The following UBE2E2 variants were observed in gnomAD, a reference collection of about 807,000 sequenced individuals.
UBE2E2 encodes ubiquitin-conjugating enzyme E2 E2.
Under a neutral mutation model 24.7 loss-of-function variants are expected in UBE2E2, and 6 were observed. The observed-to-expected ratio is 0.24, with a 90% CI of 0.13 to 0.48. The LOEUF (loss-of-function observed/expected upper bound fraction) is 0.48. Ranked by LOEUF, UBE2E2 falls within the 20% of genes least tolerant of loss-of-function variation. The pLI, the probability that UBE2E2 is intolerant of heterozygous loss-of-function variation, is 0.99. For missense variants in UBE2E2, 169 were observed against 245.0 expected, an observed-to-expected ratio of 0.69 and a Z score of 2.07; for synonymous variants, 104 against 83.6, an observed-to-expected ratio of 1.24 and a Z score of -1.33.
intron 3 of UBE2E2, among the ~76,000 whole-genome samples, chr3:23,298,599 T>C (rs1221894646): frequency 1.3e-5 from 2 of 152,004 alleles, no homozygotes; most frequent in Non-Finnish European, 2.9e-5. Flanking sequence ...TTTATTGATT[T>C]GCATATATTG....
chr3:23,467,035 G>C (rs1161331095), intron 3 of UBE2E2, among the ~76,000 whole-genome samples: 2 of 152,150 alleles, frequency 1.3e-5, no homozygotes, highest in African/African-American at 4.8e-5. Context: ...CTATGGAAAA[G>C]TCTGAGGTAA....
chr3:23,341,560 C>T (rs553357917), intron 3 of UBE2E2, among the ~76,000 whole-genome samples: 1 of 152,236 alleles, frequency 6.6e-6, no homozygotes, highest in South Asian at 2.1e-4. Context: ...TTAGGGTCTG[C>T]ATTTGAGCAT....
chr3:23,357,986 C>T (rs1216200827), intron 3 of UBE2E2, among the ~76,000 whole-genome samples: 2 of 152,138 alleles, frequency 1.3e-5, no homozygotes, highest in African/African-American at 2.4e-5. Context: ...CAGGTGTGCA[C>T]CACCATGCCT....
intron 3 of UBE2E2, among the ~76,000 whole-genome samples, chr3:23,266,019 T>G (rs1485840004): frequency 1.3e-5 from 2 of 152,212 alleles, no homozygotes; most frequent in African/African-American, 2.4e-5. Flanking sequence ...CTCCATCCTT[T>G]TATTTTGAGC....
At chr3:23,451,346 T>C (rs1433883871) in intron 3 of UBE2E2, among the ~76,000 whole-genome samples, 1 of 152,246 alleles carries the variant, frequency 6.6e-6, no homozygotes, top group Non-Finnish European at 1.5e-5. Flanking sequence ...ATAGAGGTAG[T>C]ACTTACCTAA....
At chr3:23,244,214 C>T (rs577938502) in intron 3 of UBE2E2, among the ~76,000 whole-genome samples, 1 of 150,722 alleles carries the variant, frequency 6.6e-6, no homozygotes, top group Admixed American at 6.6e-5. Flanking sequence ...TTAGGAGAAA[C>T]TTTTAAGCTG....
intron 5 of UBE2E2, among the ~76,000 whole-genome samples, chr3:23,557,392 G>A (rs1286233889): frequency 6.6e-6 from 1 of 152,022 alleles, no homozygotes. Flanking sequence ...TCCAGTTTAG[G>A]ATCTCAGTCA....
At chr3:23,504,509 G>C (rs188796872) in intron 4 of UBE2E2, among the ~76,000 whole-genome samples, 16 of 152,242 alleles carry the variant, frequency 1.1e-4, no homozygotes, top group African/African-American at 3.9e-4. Flanking sequence ...GGTAACGATT[G>C]ACAAATCGTG....
At chr3:23,402,737 G>A (rs908821665) in intron 3 of UBE2E2, among the ~76,000 whole-genome samples, 1 of 147,582 alleles carries the variant, frequency 6.8e-6, no homozygotes, top group Admixed American at 6.7e-5. Flanking sequence ...ATATATAGCA[G>A]TAGTACAAAG....
intron 3 of UBE2E2, among the ~76,000 whole-genome samples, chr3:23,325,861 C>T (rs1477745403): frequency 1.3e-5 from 2 of 152,132 alleles, no homozygotes; most frequent in African/African-American, 4.8e-5. Context: ...TCAATATCAC[C>T]CTTTTTCACT....
At chr3:23,415,098 T>A (rs969191178) in intron 3 of UBE2E2, among the ~76,000 whole-genome samples, 10 of 152,348 alleles carry the variant, frequency 6.6e-5, no homozygotes, top group African/African-American at 2.4e-4. Context: ...TTGTAAGATA[T>A]TTCTGGGTGT....
chr3:23,210,471 C>A (rs904878557), intron 2 of UBE2E2, among the ~76,000 whole-genome samples: 32 of 152,258 alleles, frequency 2.1e-4, no homozygotes, highest in African/African-American at 7.5e-4. Context: ...TGTCAAAGAC[C>A]AAATTCTGCT....
chr3:23,321,099 A>C (rs1440248485), intron 3 of UBE2E2, among the ~76,000 whole-genome samples: 2 of 152,144 alleles, frequency 1.3e-5, no homozygotes, highest in Admixed American at 6.5e-5. Flanking sequence ...CTGCCTTTGT[A>C]TTTACACAGC....
chr3:23,349,639 GC>G (rs1242960275), intron 3 of UBE2E2, among the ~76,000 whole-genome samples: 1 of 152,210 alleles, frequency 6.6e-6, no homozygotes, highest in Non-Finnish European at 1.5e-5. Context: ...TGCTAGCACA[GC>G]AGTCTGAGAT....
At chr3:23,221,262 A>T (rs1269240393) in intron 3 of UBE2E2, among the ~76,000 whole-genome samples, 1 of 152,202 alleles carries the variant, frequency 6.6e-6, no homozygotes, top group Non-Finnish European at 1.5e-5. Context: ...CTCATGGAAC[A>T]CTGGCGCTGC....
At chr3:23,513,940 G>C (rs1033685436) in intron 4 of UBE2E2, among the ~76,000 whole-genome samples, 10 of 152,128 alleles carry the variant, frequency 6.6e-5, no homozygotes, top group Non-Finnish European at 1.5e-4. Context: ...AGGCTTAACA[G>C]TCTCTAAGTT....
chr3:23,305,786 G>A (rs770668173), intron 3 of UBE2E2, among the ~76,000 whole-genome samples: 6 of 152,072 alleles, frequency 3.9e-5, no homozygotes, highest in Non-Finnish European at 7.4e-5. Context: ...TTGGAGTATA[G>A]TGGTATAATC....
At chr3:23,419,076 C>T (rs1697728311) in intron 3 of UBE2E2, among the ~76,000 whole-genome samples, 1 of 151,972 alleles carries the variant, frequency 6.6e-6, no homozygotes, top group Admixed American at 6.5e-5. Context: ...GCTTCAGCTT[C>T]CTGAGTAGCT....
rs565233042 is a variant in UBE2E2 at position 23,326,790 on chromosome 3, A to G, written c.227+109478A>G. 4.5e-3 allele frequency among the ~76,000 whole-genome samples: 680 copies of G among 152,332 alleles called. 5 individuals are homozygous for G. Among genetic ancestry groups the G allele is most frequent in the African/African-American group, 0.016 (649 of 41,572 alleles). On this transcript the variant is annotated intron_variant, in intron 3 of 5. Transcript: ENST00000396703. ...CTGCACCCATTAACTCGTCATTTAC[A>G]TTAGGTATATCTCCTAATGCTGTCC...
Sources: allele counts gnomAD v4.1 joint callset (sites outside exome capture counted in the v4.1 genomes callset), GRCh38; gene constraint gnomAD v4.1.1; transcripts MANE v1.5; gene names NCBI Gene and HGNC (gene_info 2026-07-23, HGNC 2026-07-21).